ATP5PD: variants seen among roughly 807,000 people sequenced by gnomAD.
The protein encoded by ATP5PD is ATP synthase peripheral stalk subunit d, mitochondrial.
ATP5PD carries 13 observed loss-of-function variants against 22.6 expected under a neutral mutation model. The ratio of observed to expected loss-of-function variants is 0.58; its 90% CI spans 0.37 to 0.91. The LOEUF (loss-of-function observed/expected upper bound fraction) is 0.91, where lower values mean the gene tolerates loss of function less well. Ranked by LOEUF, ATP5PD falls within the 40% of genes least tolerant of loss-of-function variation. The pLI, the probability that ATP5PD is intolerant of heterozygous loss-of-function variation, is 0.00. For synonymous variants in ATP5PD, 51 were observed against 65.0 expected (o/e 0.79, Z 1.03); for missense variants, 165 against 188.0 (o/e 0.88, Z 0.72).
intron 1 of ATP5PD, among the ~76,000 whole-genome samples, chr17:75,045,432 CTGGGATCGCTA>C (rs1261358105): frequency 6.6e-6 from 1 of 152,166 alleles, no homozygotes; most frequent in African/African-American, 2.4e-5. Context: ...CCTAATAAGC[CTGGGATCGCTA>C]TGGGAGACTG....
chr17:75,040,441 T>A lies in ATP5PD; in HGVS notation c.220-278A>T, dbSNP rs2073147523. 1.1e-5 allele frequency: 5 copies of A among 443,354 alleles called. No homozygotes were observed. In the South Asian group the frequency reaches 1.5e-4, roughly 13 times the overall value. 27.5% of individuals were successfully genotyped at this position (443,354 alleles called of 1,614,324 possible). On this transcript the variant is annotated intron_variant, in intron 3 of 5. Transcript: ENST00000301587. ...CTTTATGATGATAAGCTTCATTTTC[T>A]TCATCTGAAAAGGACAGCTGGACTT...
Position 75,039,149 on chromosome 17 carries a change from G to T in ATP5PD, c.354+60C>A, listed in dbSNP as rs2073132344. Reference sequence around the variant, plus strand: ...GGCAGGTTCCTGCCACCAGGTGAAAGATGTGTGGTCATGAAAGAGAGAACC... The same window carrying T: ...GGCAGGTTCCTGCCACCAGGTGAAATATGTGTGGTCATGAAAGAGAGAACC... On this transcript the variant is annotated intron_variant, in intron 5 of 5. Coordinates refer to ENST00000301587, the MANE Select transcript of ATP5PD (RefSeq NM_006356.3). The T allele has an allele frequency of 3.1e-6, 5 of 1,611,824 alleles. No homozygotes were observed. The Admixed American group carries it at 5.0e-5, about 16-fold the overall frequency.
Position 75,039,022 on chromosome 17 carries a change from G to A in ATP5PD, c.396C>T (p.Thr132=), listed in dbSNP as rs888362442. The change falls in exon 6 of 6, where the codon ACC becomes ACT. Residue 132 remains threonine (T), a synonymous_variant. Coordinates refer to ENST00000301587, the MANE Select transcript of ATP5PD (RefSeq NM_006356.3). ...MKNLIPFDQM[T]IEDLNEAFPE... ...GGAAAGCTTCATTCAAGTCCTCAATGGTCATCTGATCAAATGGAATTAAGT... is the reference window on the plus strand; with the variant it reads ...GGAAAGCTTCATTCAAGTCCTCAATAGTCATCTGATCAAATGGAATTAAGT... The A allele has an allele frequency of 1.2e-5, 19 of 1,614,012 alleles. No individual in the cohort carries two copies. The highest frequency in any genetic ancestry group is 1.6e-5 in the Non-Finnish European group (19 of 1,179,924).
intron 1 of ATP5PD, among the ~76,000 whole-genome samples, chr17:75,045,586 T>C (rs1234118495): frequency 6.6e-6 from 1 of 152,264 alleles, no homozygotes; most frequent in Admixed American, 6.5e-5. Context: ...AATTCAGCGA[T>C]ATTTCTCCCA....
At chr17:75,045,533 G>A (rs907787575) in intron 1 of ATP5PD, among the ~76,000 whole-genome samples, 3 of 152,234 alleles carry the variant, frequency 2.0e-5, no homozygotes, top group African/African-American at 7.2e-5. Context: ...CTACCCCTAG[G>A]TGCGCATTCT....
intron 4 of ATP5PD, 73 bp from the exon 5 acceptor site, chr17:75,039,344 C>A (rs769694753): frequency 4.5e-6 from 6 of 1,347,854 alleles, no homozygotes; most frequent in African/African-American, 4.3e-5. Flanking sequence ...AGGTAGGAGT[C>A]GTCCCAGCCC....
intron 1 of ATP5PD, among the ~76,000 whole-genome samples, chr17:75,044,072 T>A (rs1462269551): frequency 6.7e-6 from 1 of 149,386 alleles, no homozygotes; most frequent in East Asian, 1.9e-4. Context: ...TCCCCCGGGC[T>A]GGAGTGCAGT....
In ATP5PD at chr17:75,042,197, TCCA is replaced by T. The variant is rs1222265176; in HGVS notation, c.200_202del (p.Val67del). 3 of 1,614,050 alleles carry T rather than the reference TCCA, an allele frequency of 1.9e-6. No individual in the cohort carries two copies. The highest frequency in any genetic ancestry group is 2.2e-5 in the South Asian group (2 of 91,048). ...AAGTCTCACCTTCTTCTCAAAGTCA[TCCA>T]CCAAGCCAGCCTTGGCCACATTGGC... On this transcript the variant is annotated inframe_deletion, in exon 3 of 6. Coordinates refer to ENST00000301587, the MANE Select transcript of ATP5PD (RefSeq NM_006356.3).
At chr17:75,039,125 G>A (rs1203457414) in intron 5 of ATP5PD, 62 bp from the exon 6 acceptor site, 3 of 1,611,926 alleles carry the variant, frequency 1.9e-6, no homozygotes, top group Non-Finnish European at 1.7e-6. Flanking sequence ...AATATCCAAG[G>A]CAGGTTCCTG....
chr17:75,045,195 G>C (rs1158855875), intron 1 of ATP5PD, among the ~76,000 whole-genome samples: 3 of 152,246 alleles, frequency 2.0e-5, no homozygotes, highest in Admixed American at 2.0e-4. Context: ...AAAAGGGGAG[G>C]GAGTATACGA....
intron 1 of ATP5PD, among the ~76,000 whole-genome samples, chr17:75,043,511 G>A (rs1274196433): frequency 6.6e-6 from 1 of 151,340 alleles, no homozygotes; most frequent in Admixed American, 6.6e-5. Flanking sequence ...TACTCAAGAG[G>A]CTTAGACAGG....
intron 3 of ATP5PD, chr17:75,041,714 G>A (rs1276045086): frequency 6.5e-6 from 1 of 153,168 alleles, no homozygotes; most frequent in East Asian, 1.9e-4. Context: ...CCCAGGAGGT[G>A]GGCAAACATT....
chr17:75,043,162 A>C (rs1318116443), intron 1 of ATP5PD, among the ~76,000 whole-genome samples: 1 of 152,218 alleles, frequency 6.6e-6, no homozygotes, highest in Non-Finnish European at 1.5e-5. Context: ...CAGAGGTTGT[A>C]ATGAGCTGAG....
Position 75,042,529 on chromosome 17 carries a change from C to T in ATP5PD, c.122G>A (p.Arg41Lys), listed in dbSNP as rs757685789. 4 of 1,611,310 alleles carry T rather than the reference C, an allele frequency of 2.5e-6. No homozygotes were observed. The highest frequency in any genetic ancestry group is 2.2e-5 in the South Asian group (2 of 90,466). ...GGTTCCCTCTCAGAAACATACTGAC[C>T]TGGAGGTGAGGGTCTCATTCCAGGA... ...LKSWNETLTS[R>K]LAALPENPPA... is the part of the protein sequence containing the mutation. Residue 41 changes from arginine to lysine, a missense_variant and splice_region_variant, in exon 2 of 6, where the codon AGG (arginine) becomes AAG (lysine). Physicochemically the swap from Arg to Lys is conservative, Grantham distance 26. Coordinates refer to ENST00000301587, the MANE Select transcript of ATP5PD (RefSeq NM_006356.3).
In ATP5PD at chr17:75,042,234, A is replaced by C; in HGVS notation, c.166T>G (p.Tyr56Asp). Residue 56 changes from tyrosine (Y) to aspartate (D), a missense_variant, in exon 3 of 6, where the codon TAC (tyrosine) becomes GAC (aspartate). By Grantham distance (160) the Tyr-to-Asp change is radical. Coordinates refer to ENST00000301587, the MANE Select transcript of ATP5PD (RefSeq NM_006356.3). Reference sequence around the variant, plus strand: ...GCCTTGGCCACATTGGCCTTGTAGTAAGCCCAGTCGATAGCTGGTGGATTC... The same window carrying C: ...GCCTTGGCCACATTGGCCTTGTAGTCAGCCCAGTCGATAGCTGGTGGATTC... ...PENPPAIDWA[Y>D]YKANVAKAGL... The C allele has an allele frequency of 6.2e-7, 1 of 1,614,242 alleles. No homozygotes were observed. The highest frequency in any genetic ancestry group is 8.5e-7 in the Non-Finnish European group (1 of 1,180,024).
intron 1 of ATP5PD, among the ~76,000 whole-genome samples, chr17:75,043,507 A>C (rs989475837): frequency 4.6e-5 from 7 of 151,716 alleles, no homozygotes; most frequent in Non-Finnish European, 8.8e-5. Flanking sequence ...CAGGTACTCA[A>C]GAGGCTTAGA....
At chr17:75,045,020 A>C (rs976606107) in intron 1 of ATP5PD, among the ~76,000 whole-genome samples, 2 of 152,180 alleles carry the variant, frequency 1.3e-5, no homozygotes, top group African/African-American at 4.8e-5. Flanking sequence ...ACTTGCCCCG[A>C]TAGTCACATA....
intron 1 of ATP5PD, among the ~76,000 whole-genome samples, chr17:75,043,447 A>G (rs2073180530): frequency 6.6e-6 from 1 of 152,134 alleles, no homozygotes; most frequent in Non-Finnish European, 1.5e-5. Flanking sequence ...CCCTGCCTCT[A>G]CTAAAAAATA....
At chr17:75,045,114 C>T (rs2073200230) in intron 1 of ATP5PD, among the ~76,000 whole-genome samples, 1 of 152,110 alleles carries the variant, frequency 6.6e-6, no homozygotes, top group Non-Finnish European at 1.5e-5. Flanking sequence ...CCGGGGGAGA[C>T]ATCACACGTT....
Sources: gnomAD v4.1 joint callset for allele counts (sites outside exome capture counted in the v4.1 genomes callset) on GRCh38, gnomAD v4.1.1 for gene constraint, MANE v1.5 for transcripts, NCBI Gene and HGNC (gene_info 2026-07-23, HGNC 2026-07-21) for gene names.